GTF2F2: variants seen among roughly 807,000 people sequenced by gnomAD.
GTF2F2 encodes general transcription factor IIF subunit 2, also known as ATP-dependent helicase GTF2F2.
Under a neutral mutation model 42.2 loss-of-function variants are expected in GTF2F2, and 23 were observed. The observed-to-expected ratio is 0.55, with a 90% CI of 0.39 to 0.77. GTF2F2 has a LOEUF of 0.77. GTF2F2 is among the 30% of genes least tolerant of loss of function. The pLI is 0.00. For synonymous variants in GTF2F2, 105 were observed against 100.8 expected (o/e 1.04, Z -0.25); for missense variants, 261 against 287.2 (o/e 0.91, Z 0.66).
chr13:45,160,119 A>G (rs969011458), intron 4 of GTF2F2, among the ~76,000 whole-genome samples: 4 of 152,126 alleles, frequency 2.6e-5, no homozygotes, highest in African/African-American at 9.7e-5. Flanking sequence ...TCTTTTATAC[A>G]TTATGTGCTA....
Position 45,284,117 on chromosome 13 carries a change from A to G in GTF2F2, c.*556A>G, listed in dbSNP as rs1179558659. 6.6e-6 allele frequency: 1 copy of G among 152,248 alleles called. No individual in the cohort carries two copies. The highest frequency in any genetic ancestry group is 2.4e-5 in the African/African-American group (1 of 41,470). 9.4% of individuals were successfully genotyped at this position (152,248 alleles called of 1,614,324 possible). On this transcript the variant is annotated 3_prime_UTR_variant, in exon 8 of 8. Coordinates refer to ENST00000340473, the MANE Select transcript of GTF2F2 (RefSeq NM_004128.3). Reference sequence around the variant, plus strand: ...AGTTTGTAGTGAAATGGCAGTGTTCATCATTGGCTTATTTTACCGTAGTGA... The same window carrying G: ...AGTTTGTAGTGAAATGGCAGTGTTCGTCATTGGCTTATTTTACCGTAGTGA...
At chr13:45,184,396 C>G (rs529058766) in intron 4 of GTF2F2, among the ~76,000 whole-genome samples, 3 of 150,154 alleles carry the variant, frequency 2.0e-5, no homozygotes, top group African/African-American at 7.5e-5. Flanking sequence ...TCCCCCCCGC[C>G]CTTTTTTTTT....
chr13:45,274,119 G>A (rs1469149147), intron 7 of GTF2F2, among the ~76,000 whole-genome samples: 1 of 152,020 alleles, frequency 6.6e-6, no homozygotes, highest in Non-Finnish European at 1.5e-5. Flanking sequence ...CAGCATTACA[G>A]AGCCATTTCT....
chr13:45,132,783 C>G (rs973072309), intron 1 of GTF2F2, among the ~76,000 whole-genome samples: 1 of 151,112 alleles, frequency 6.6e-6, no homozygotes, highest in African/African-American at 2.4e-5. Context: ...TTTGCTTTTT[C>G]TCGGTGGAAG....
chr13:45,167,588 TGG>T (rs1871354888), intron 4 of GTF2F2, among the ~76,000 whole-genome samples: 1 of 151,994 alleles, frequency 6.6e-6, no homozygotes, highest in South Asian at 2.1e-4. Context: ...TTAGTAGAGA[TGG>T]GGTTCTACCA....
In GTF2F2 at chr13:45,283,444, G is replaced by A. The variant is rs751140638; in HGVS notation, c.633G>A (p.Val211=). Residue 211 remains valine (V), a splice_region_variant and synonymous_variant, in exon 8 of 8, where the codon GTG becomes GTA. Coordinates refer to ENST00000340473, the MANE Select transcript of GTF2F2 (RefSeq NM_004128.3). ...TAGGGGTTTTGTTTTTGTTTTAGGT[G>A]TACCTGAAGGAAATCTTAAAAGAAA... The part of the protein sequence containing the change: ...DLVDITKQPV[V]YLKEILKEIG... 1.2e-6 allele frequency: 2 copies of A among 1,608,362 alleles called. No homozygotes were observed. Among genetic ancestry groups the A allele is most frequent in the East Asian group, 2.2e-5 (1 of 44,716 alleles).
chr13:45,218,722 C>T (rs745956544), intron 5 of GTF2F2, among the ~76,000 whole-genome samples: 1 of 152,186 alleles, frequency 6.6e-6, no homozygotes, highest in South Asian at 2.1e-4. Context: ...AAAAGGGTCT[C>T]ATTTAGGGAA....
chr13:45,167,480 C>T (rs931050377), intron 4 of GTF2F2, among the ~76,000 whole-genome samples: 1 of 150,796 alleles, frequency 6.6e-6, no homozygotes, highest in African/African-American at 2.5e-5. Flanking sequence ...TCACTGCAAC[C>T]TCCGCCTCCC....
intron 5 of GTF2F2, among the ~76,000 whole-genome samples, chr13:45,237,111 A>AG (rs1410945142): frequency 6.6e-6 from 1 of 152,194 alleles, no homozygotes; most frequent in African/African-American, 2.4e-5. Context: ...CCTAAAGATC[A>AG]GTGAATTCTT....
chr13:45,194,616 T>A (rs1284333557), intron 4 of GTF2F2: 4 of 1,521,378 alleles, frequency 2.6e-6, no homozygotes, highest in Middle Eastern at 1.7e-4. Flanking sequence ...TGAGATTTTT[T>A]AAAAAGAGAC....
At chr13:45,273,552 A>G (rs2138271417) in intron 7 of GTF2F2, among the ~76,000 whole-genome samples, 1 of 152,306 alleles carries the variant, frequency 6.6e-6, no homozygotes, top group Admixed American at 6.5e-5. Context: ...TGAAATTTTA[A>G]TTAAGCAATA....
At chr13:45,260,087 C>A (rs1325410641) in intron 6 of GTF2F2, among the ~76,000 whole-genome samples, 1 of 151,804 alleles carries the variant, frequency 6.6e-6, no homozygotes, top group African/African-American at 2.4e-5. Flanking sequence ...ACTTAGTAAA[C>A]TGGTTGTTGA....
At position 45,262,915 on chromosome 13, in the gene GTF2F2, T is replaced by C. The variant is rs1876405811; in HGVS notation, c.487-4318T>C. Among the ~76,000 whole-genome samples the C allele has an allele frequency of 6.6e-5, 10 of 152,006 alleles. No homozygotes were observed. The South Asian group carries it at 2.1e-3, about 32-fold the overall frequency. ...TCGTTCATGGCTAATTTTGTAGAGA[T>C]GGGTCTCACTTTATTGCCCAGACTG... On this transcript the variant is annotated intron_variant, in intron 6 of 7. Transcript: ENST00000340473.
intron 2 of GTF2F2, among the ~76,000 whole-genome samples, chr13:45,141,219 C>T (rs1869911173): frequency 6.6e-6 from 1 of 152,054 alleles, no homozygotes; most frequent in Non-Finnish European, 1.5e-5. Flanking sequence ...GAGAGAAACC[C>T]ATGTAAATCT....
chr13:45,227,616 G>A (rs1170096799), intron 5 of GTF2F2, among the ~76,000 whole-genome samples: 2 of 152,116 alleles, frequency 1.3e-5, no homozygotes, highest in African/African-American at 4.8e-5. Context: ...TGCTTTCATT[G>A]AAGAATTCTT....
intron 4 of GTF2F2, among the ~76,000 whole-genome samples, chr13:45,158,354 G>GCCTC (rs1264421215): frequency 1.3e-5 from 2 of 152,234 alleles, no homozygotes; most frequent in East Asian, 1.9e-4. Flanking sequence ...CAATTGTGAG[G>GCCTC]CCTCCCCAGC....
rs570499314 is a variant in GTF2F2, at chr13:45,271,513, G to A, written c.630+4137G>A. On this transcript the variant is annotated intron_variant, in intron 7 of 7. Transcript: ENST00000340473. ...TTCTTCTGCCTCATCCTTCTGAGTA[G>A]CTGGGATTACAGGCGCCCACCACCA... is the stretch of plus-strand genomic sequence containing the variant. 2.6e-5 allele frequency among the ~76,000 whole-genome samples: 4 copies of A among 151,638 alleles called. No individual in the cohort carries two copies. In the East Asian group the frequency reaches 7.8e-4, roughly 29 times the overall value.
chr13:45,258,818 G>T (rs1035744530), intron 6 of GTF2F2, among the ~76,000 whole-genome samples: 4 of 152,106 alleles, frequency 2.6e-5, no homozygotes, highest in African/African-American at 9.7e-5. Flanking sequence ...AAAGATATAT[G>T]CATAGCTCAT....
rs544686461 is a variant in GTF2F2, at chr13:45,136,797, G to T, written c.131G>T (p.Arg44Leu). The T allele has an allele frequency of 6.4e-7, 1 of 1,562,584 alleles. No homozygotes were observed. The highest frequency in any genetic ancestry group is 1.7e-5 in the Admixed American group (1 of 59,654). ...GGAAGAGGTGAAGTTGGGAAACTGC[G>T]GATTGCCAAGTAAGTTATTTACATA... is the stretch of plus-strand genomic sequence containing the variant. Reference protein sequence around the residue: ...ASGRGEVGKLRIAKTQGRTEV... With the variant: ...ASGRGEVGKLLIAKTQGRTEV... Residue 44 changes from arginine (R) to leucine (L), a missense_variant, in exon 2 of 8, where the codon CGG becomes CTG. Coordinates refer to ENST00000340473, the MANE Select transcript of GTF2F2 (RefSeq NM_004128.3).
Sources: allele counts gnomAD v4.1 joint callset (sites outside exome capture counted in the v4.1 genomes callset), GRCh38; gene constraint gnomAD v4.1.1; transcripts MANE v1.5; gene names NCBI Gene and HGNC (gene_info 2026-07-23, HGNC 2026-07-21).